Variants in TERT observed in about 807,000 individuals in gnomAD.
TERT encodes telomerase catalytic subunit.
TERT carries 42 observed loss-of-function variants against 104.0 expected under a neutral mutation model. The ratio of observed to expected loss-of-function variants is 0.40; its 90% CI spans 0.32 to 0.52. TERT has a LOEUF of 0.52. Ranked by LOEUF, TERT falls within the 20% of genes least tolerant of loss-of-function variation. The probability of loss-of-function intolerance (pLI) is 0.43; values close to 1 mark genes in which losing one functional copy is unlikely to be tolerated. For synonymous variants in TERT, 781 were observed against 725.6 expected (o/e 1.08, Z -1.23); for missense variants, 1,101 against 1,610.3 (o/e 0.68, Z 5.41).
rs772545351 is a variant in TERT, at chr5:1,293,425, G to A, written c.1461C>T (p.Phe487=). Residue 487 remains phenylalanine (F), a synonymous_variant, in exon 2 of 16, where the codon TTC becomes TTT. Coordinates refer to ENST00000310581, the MANE Select transcript of TERT (RefSeq NM_198253.3). ...AGATGAACTTCTTGGTGTTCCTGAGGAAGCGGCGTTCGTTGTGCCTGGAGC... is the reference window on the plus strand; with the variant it reads ...AGATGAACTTCTTGGTGTTCCTGAGAAAGCGGCGTTCGTTGTGCCTGGAGC... ...LWGSRHNERR[F]LRNTKKFISL... is the part of the protein sequence containing the mutation. 2 of 1,612,862 alleles carry A rather than the reference G, an allele frequency of 1.2e-6. No individual in the cohort carries two copies. The highest frequency in any genetic ancestry group is 2.2e-5 in the East Asian group (1 of 44,860).
In TERT at chr5:1,255,862, A is replaced by C. The variant is rs1053041923; in HGVS notation, c.3033-451T>G. ...ACGTCCTGCGCATCCCTTCTGAGCC[A>C]CCCGCCCCTGTGGTGCATAAACCCT... On this transcript the variant is annotated intron_variant, in intron 13 of 15. Coordinates refer to ENST00000310581, the MANE Select transcript of TERT (RefSeq NM_198253.3). This position sits in a 1 kb window ranked among gnomAD's most constrained non-coding sequence, Gnocchi z 6.9. Among the ~76,000 whole-genome samples the C allele has an allele frequency of 6.6e-6, 1 of 151,896 alleles. No homozygotes were observed. Among genetic ancestry groups the C allele is most frequent in the East Asian group, 1.9e-4 (1 of 5,160 alleles).
At chr5:1,259,768 G>A (rs571426248) in intron 12 of TERT, among the ~76,000 whole-genome samples, 24 of 140,232 alleles carry the variant, frequency 1.7e-4, no homozygotes, top group African/African-American at 5.7e-4. Context: ...GAGAGGGGGA[G>A]TGGACACAGA....
At chr5:1,266,849 G>C (rs1363215514) in intron 9 of TERT, among the ~76,000 whole-genome samples, 1 of 152,192 alleles carries the variant, frequency 6.6e-6, no homozygotes, top group African/African-American at 2.4e-5. Context: ...ACTGAAGACG[G>C]TAAGAAAGCT....
intron 9 of TERT, among the ~76,000 whole-genome samples, chr5:1,267,191 T>C (rs1461931025): frequency 1.3e-5 from 2 of 152,242 alleles, no homozygotes; most frequent in Non-Finnish European, 2.9e-5. Flanking sequence ...CCACTGTACA[T>C]GCTATAATTG....
At chr5:1,284,020 C>A (rs4449583) in intron 2 of TERT, among the ~76,000 whole-genome samples, 1 of 135,092 alleles carries the variant, frequency 7.4e-6, no homozygotes, top group Non-Finnish European at 1.6e-5. Context: ...CAGGGCCTGG[C>A]GACCTCACCC....
At position 1,282,050 on chromosome 5, in the gene TERT, T is replaced by C. The variant is rs6867270; in HGVS notation, c.1769+379A>G. Among the ~76,000 whole-genome samples the C allele has an allele frequency of 0.064, 9,667 of 151,352 alleles. 995 individuals are homozygous for C. The highest frequency in any genetic ancestry group is 0.22 in the African/African-American group (8,922 of 41,122). ...TTGCAGTGAGCCAAGATTATGCCAC[T>C]GCACTCCAGCCTGGGCAACAGAGTG... On this transcript the variant is annotated intron_variant, in intron 3 of 15. Coordinates refer to ENST00000310581, the MANE Select transcript of TERT (RefSeq NM_198253.3).
chr5:1,291,479 C>T (rs1479347840), intron 2 of TERT, among the ~76,000 whole-genome samples: 1 of 96,722 alleles, frequency 1.0e-5, no homozygotes. Context: ...CCGGGGACGG[C>T]GCCTCACTCA....
Position 1,260,593 on chromosome 5 carries a change from G to T in TERT, c.2851C>A (p.Arg951=), listed in dbSNP as rs370445231. ...GTGAGACTGGCTCTGATGGAGGTCC[G>T]GGCATAGCTGAGACACAGGGGGGAA... The part of the protein sequence containing the change: ...EVQSDYSSYA[R]TSIRASLTFN... Residue 951 remains arginine (R), a synonymous_variant, in exon 12 of 16, where the codon CGG becomes AGG. Transcript: ENST00000310581. 5.6e-6 allele frequency: 9 copies of T among 1,613,914 alleles called. No individual in the cohort carries two copies. The highest frequency in any genetic ancestry group is 7.6e-6 in the Non-Finnish European group (9 of 1,179,920).
At position 1,255,463 on chromosome 5, in the gene TERT, C is replaced by A. The variant is rs552656056; in HGVS notation, c.3033-52G>T. Reference sequence around the variant, plus strand: ...GGAAAGGCCTCCTAATCAGACGGTGCTCGTGGGTGTGGGCATGGGCCCACC... The same window carrying A: ...GGAAAGGCCTCCTAATCAGACGGTGATCGTGGGTGTGGGCATGGGCCCACC... On this transcript the variant is annotated intron_variant, in intron 13 of 15. Coordinates refer to ENST00000310581, the MANE Select transcript of TERT (RefSeq NM_198253.3). The surrounding 1 kb of genome is among the most constrained non-coding windows in gnomAD (Gnocchi z 6.9). 2.6e-5 allele frequency: 42 copies of A among 1,612,732 alleles called. No individual in the cohort carries two copies. The South Asian group carries it at 4.4e-4, about 17-fold the overall frequency.
intron 2 of TERT, among the ~76,000 whole-genome samples, chr5:1,289,423 G>T (rs371072302): frequency 1.1e-5 from 1 of 89,896 alleles, no homozygotes; most frequent in Non-Finnish European, 2.3e-5. Context: ...CGGGGACGGC[G>T]CCTCACTCAC....
chr5:1,266,600 G>T, intron 9 of TERT, 65 bp from the exon 10 acceptor site: 2 of 1,288,430 alleles, frequency 1.6e-6, no homozygotes, highest in South Asian at 2.5e-5. Context: ...CTGTCTACGA[G>T]GGACTGAATG....
intron 4 of TERT, among the ~76,000 whole-genome samples, chr5:1,279,822 G>A (rs1047395158): frequency 2.6e-5 from 4 of 152,296 alleles, no homozygotes; most frequent in South Asian, 2.1e-4. Context: ...CCTGGTCCCC[G>A]GGCCCCGTAA....
At chr5:1,259,707 C>T (rs559511055) in intron 12 of TERT, among the ~76,000 whole-genome samples, 40 of 85,348 alleles carry the variant, frequency 4.7e-4, no homozygotes, top group Middle Eastern at 0.028. Flanking sequence ...ACAGGAGAGA[C>T]GAGTGGATGC....
At chr5:1,271,470 C>A (rs35664326) in intron 7 of TERT, among the ~76,000 whole-genome samples, 1 of 152,212 alleles carries the variant, frequency 6.6e-6, no homozygotes, top group Admixed American at 6.5e-5. Flanking sequence ...CACCGTGGCC[C>A]GGATGGCATA....
intron 2 of TERT, among the ~76,000 whole-genome samples, chr5:1,289,647 G>A (rs368454089): frequency 3.6e-4 from 31 of 85,306 alleles, no homozygotes; most frequent in Admixed American, 5.9e-4. Flanking sequence ...CACTCACCCT[G>A]CACGTGACAG....
chr5:1,275,149 A>T (rs376416002), intron 6 of TERT, among the ~76,000 whole-genome samples: 1 of 152,124 alleles, frequency 6.6e-6, no homozygotes, highest in Non-Finnish European at 1.5e-5. Context: ...CCGAGGTGGG[A>T]GGATCACCTG....
intron 3 of TERT, 37 bp from the exon 4 acceptor site, chr5:1,280,375 A>C (rs1749941806): frequency 6.2e-7 from 1 of 1,603,472 alleles, no homozygotes; most frequent in Admixed American, 1.7e-5. Context: ...TTGCTCAGCC[A>C]GACAACAGAC....
rs970998273 is a variant in TERT at position 1,257,272 on chromosome 5, G to A, written c.3032+1326C>T. Among the ~76,000 whole-genome samples the A allele has an allele frequency of 5.3e-5, 8 of 152,108 alleles. No individual in the cohort carries two copies. Among genetic ancestry groups the A allele is most frequent in the African/African-American group, 1.9e-4 (8 of 41,408 alleles). On this transcript the variant is annotated intron_variant, in intron 13 of 15. Coordinates refer to ENST00000310581, the MANE Select transcript of TERT (RefSeq NM_198253.3). This position sits in a 1 kb window ranked among gnomAD's most constrained non-coding sequence, Gnocchi z 5.6. The stretch of plus-strand genomic sequence containing the variant: ...ACTGAGCTGAATATGGGAGGAGCAG[G>A]TGGCAGGTCACATGGCCCTGGGAGT...
intron 2 of TERT, 105 bp downstream of exon 2, chr5:1,293,208 G>A (rs1375190061): frequency 2.1e-6 from 3 of 1,441,670 alleles, no homozygotes; most frequent in African/African-American, 1.4e-5. Context: ...GTGTGCCCAC[G>A]TGACGATGGA....
Sources: gnomAD v4.1 joint callset for allele counts (sites outside exome capture counted in the v4.1 genomes callset) on GRCh38, gnomAD v4.1.1 for gene constraint, Gnocchi (gnomAD v3.1) non-coding constraint, MANE v1.5 for transcripts, NCBI Gene and HGNC (gene_info 2026-07-23, HGNC 2026-07-21) for gene names.